Variants in CLASP1 observed in about 807,000 individuals in gnomAD.
CLASP1 encodes the protein cytoplasmic linker associated protein 1, also known as CLIP-associating protein 1.
A neutral mutation model predicts 192.3 loss-of-function variants in CLASP1; 38 were observed. The observed-to-expected ratio is 0.20, with a 90% CI of 0.15 to 0.26. The LOEUF is 0.26. CLASP1 is among the 10% of genes least tolerant of loss of function. The pLI is 1.00. For synonymous variants in CLASP1, 691 were observed against 712.8 expected (o/e 0.97, Z 0.49); for missense variants, 1,433 against 1,932.5 (o/e 0.74, Z 4.85).
chr2:121,478,663 C>CA (rs2091993111), intron 8 of CLASP1, among the ~76,000 whole-genome samples: 1 of 98,170 alleles, frequency 1.0e-5, no homozygotes, highest in African/African-American at 3.8e-5. Flanking sequence ...CACACACACC[C>CA]CCCACACACA....
At chr2:121,478,706 CCACA>C (rs1318809199) in intron 8 of CLASP1, among the ~76,000 whole-genome samples, 3 of 68,660 alleles carry the variant, frequency 4.4e-5, no homozygotes, top group Non-Finnish European at 6.2e-5. Flanking sequence ...CAACCACACC[CCACA>C]CACACAACCA....
chr2:121,420,009 A>T (rs1383018512), intron 22 of CLASP1, among the ~76,000 whole-genome samples: 1 of 152,168 alleles, frequency 6.6e-6, no homozygotes. Flanking sequence ...CTCCCTGATT[A>T]AAAAAAGAAT....
chr2:121,529,948 G>A (rs993044960), intron 3 of CLASP1, among the ~76,000 whole-genome samples: 1 of 152,172 alleles, frequency 6.6e-6, no homozygotes, highest in Admixed American at 6.5e-5. Context: ...ACTAAGTTCC[G>A]TGTGAGAACA....
intron 19 of CLASP1, among the ~76,000 whole-genome samples, chr2:121,440,384 T>C (rs2083103724): frequency 6.6e-6 from 1 of 152,140 alleles, no homozygotes; most frequent in Admixed American, 6.6e-5. Context: ...CTGTGGTAAT[T>C]AGGGGAAAAA....
At chr2:121,460,001 C>T (rs1422644691) in exon 12 of CLASP1, 1 of 1,612,860 alleles carries the variant, frequency 6.2e-7, no homozygotes, top group Admixed American at 1.7e-5. Flanking sequence ...ACAAGCCTCC[C>T]GCACTACCTG....
intron 8 of CLASP1, among the ~76,000 whole-genome samples, chr2:121,495,682 T>TA (rs2093503668): frequency 6.6e-6 from 1 of 152,126 alleles, no homozygotes; most frequent in Admixed American, 6.5e-5. Context: ...ATAAAAAATT[T>TA]AAAAAGTAAA....
chr2:121,634,498 T>C (rs2070428550), intron 1 of CLASP1, among the ~76,000 whole-genome samples: 1 of 152,230 alleles, frequency 6.6e-6, no homozygotes, highest in Non-Finnish European at 1.5e-5. Flanking sequence ...TACAATGAGA[T>C]GTTTCTAATC....
Position 121,538,419 on chromosome 2 carries a change from T to A in CLASP1, c.196-8094A>T, listed in dbSNP as rs187404562. ...AAGAGCAAAACTCCGTCTCAAAAAA[T>A]TTTTTTAAAAAAAGTATGAAAATTG... On this transcript the variant is annotated intron_variant, in intron 2 of 39. Transcript: ENST00000263710. 4.4e-3 allele frequency among the ~76,000 whole-genome samples: 649 copies of A among 148,514 alleles called. 1 individual carries two copies. Among genetic ancestry groups the A allele is most frequent in the Middle Eastern group, 0.015 (4 of 262 alleles).
At position 121,442,859 on chromosome 2, in the gene CLASP1, T is replaced by G. The variant is rs1048989894; in HGVS notation, c.1912+4478A>C. 3.3e-5 allele frequency among the ~76,000 whole-genome samples: 5 copies of G among 151,990 alleles called. No individual in the cohort carries two copies. The South Asian group carries it at 1.0e-3, about 31-fold the overall frequency. ...CTAGATTATAAAATATTTAAGAGAC[T>G]TATTAATAAATTTTTAAAAGGCCCA... is the stretch of plus-strand genomic sequence containing the variant. On this transcript the variant is annotated intron_variant, in intron 19 of 39. Transcript: ENST00000263710.
intron 19 of CLASP1, among the ~76,000 whole-genome samples, chr2:121,436,015 C>T (rs1345051879): frequency 2.0e-5 from 3 of 151,190 alleles, no homozygotes; most frequent in East Asian, 3.9e-4. Context: ...CTGTGCCTTT[C>T]GTGTTGTGCA....
chr2:121,353,394 G>T (rs1021484793), intron 37 of CLASP1, among the ~76,000 whole-genome samples: 5 of 152,058 alleles, frequency 3.3e-5, no homozygotes, highest in Non-Finnish European at 5.9e-5. Flanking sequence ...CCTTCCCTGG[G>T]GTCCAGTGCC....
chr2:121,575,277 T>A (rs538010148), intron 2 of CLASP1, among the ~76,000 whole-genome samples: 2 of 148,770 alleles, frequency 1.3e-5, no homozygotes, highest in South Asian at 2.1e-4. Flanking sequence ...GCCCGGCTAA[T>A]TTTTTTTTTA....
At chr2:121,462,814 A>AT (rs1190940147) in intron 9 of CLASP1, among the ~76,000 whole-genome samples, 1 of 152,166 alleles carries the variant, frequency 6.6e-6, no homozygotes. Context: ...CTACAATGCT[A>AT]TATACATTAG....
intron 1 of CLASP1, among the ~76,000 whole-genome samples, chr2:121,618,253 C>T (rs2066775489): frequency 6.6e-6 from 1 of 152,190 alleles, no homozygotes; most frequent in Admixed American, 6.5e-5. Context: ...AAATACTCGT[C>T]CAAAGAATAA....
At chr2:121,555,437 G>T (rs1200174008) in intron 2 of CLASP1, among the ~76,000 whole-genome samples, 2 of 152,186 alleles carry the variant, frequency 1.3e-5, no homozygotes, top group Non-Finnish European at 2.9e-5. Flanking sequence ...AGTCTAGACT[G>T]CAACCTTCCA....
At chr2:121,442,297 A>G (rs1469462199) in intron 19 of CLASP1, among the ~76,000 whole-genome samples, 2 of 152,204 alleles carry the variant, frequency 1.3e-5, no homozygotes, top group Admixed American at 1.3e-4. Flanking sequence ...ATAATAACCT[A>G]GAAATAAACT....
chr2:121,360,399 T>A (rs377141877), intron 37 of CLASP1, among the ~76,000 whole-genome samples: 1 of 152,120 alleles, frequency 6.6e-6, no homozygotes, highest in South Asian at 2.1e-4. Flanking sequence ...TTTCAATAAA[T>A]GTTTGGAGTC....
chr2:121,499,099 A>T (rs1292459013), intron 8 of CLASP1, among the ~76,000 whole-genome samples: 1 of 152,250 alleles, frequency 6.6e-6, no homozygotes, highest in Non-Finnish European at 1.5e-5. Context: ...ATGAAAATAC[A>T]TATCCACATG....
intron 14 of CLASP1, among the ~76,000 whole-genome samples, chr2:121,452,740 G>A (rs1348150094): frequency 1.3e-5 from 2 of 152,064 alleles, no homozygotes; most frequent in African/African-American, 2.4e-5. Context: ...GCAGTGAGCC[G>A]AGATCGTGCC....
Sources: allele counts gnomAD v4.1 joint callset (sites outside exome capture counted in the v4.1 genomes callset), GRCh38; gene constraint gnomAD v4.1.1; transcripts MANE v1.5; gene names NCBI Gene and HGNC (gene_info 2026-07-23, HGNC 2026-07-21).